The following RELN variants were observed in gnomAD, a reference collection of about 807,000 sequenced individuals.
The protein encoded by RELN is reelin.
Under a neutral mutation model 427.6 loss-of-function variants are expected in RELN, and 108 were observed. The ratio of observed to expected loss-of-function variants is 0.25; its 90% confidence interval spans 0.22 to 0.30. RELN has a LOEUF of 0.30. RELN is among the 10% of genes least tolerant of loss of function. The pLI is 1.00. For synonymous variants in RELN, 1,524 were observed against 1,513.4 expected, an observed-to-expected ratio of 1.01 and a Z score of -0.16; for missense variants, 3,715 against 4,302.8, an observed-to-expected ratio of 0.86 and a Z score of 3.82.
intron 16 of RELN, among the ~76,000 whole-genome samples, chr7:103,641,386 C>A (rs926300412): frequency 2.6e-5 from 4 of 152,162 alleles, no homozygotes; most frequent in African/African-American, 9.7e-5. Flanking sequence ...TTTCCTGTAG[C>A]CTATGCTCCT....
chr7:103,969,545 A>C (rs1216985404), intron 1 of RELN, among the ~76,000 whole-genome samples: 1 of 152,240 alleles, frequency 6.6e-6, no homozygotes, highest in African/African-American at 2.4e-5. Flanking sequence ...TTTTCTATTA[A>C]TAAATGATAC....
chr7:103,614,048 G>A (rs181443136), intron 20 of RELN, among the ~76,000 whole-genome samples: 11 of 152,300 alleles, frequency 7.2e-5, no homozygotes, highest in Admixed American at 5.9e-4. Context: ...GCTGAGGAGA[G>A]TCATGTGCTC....
intron 2 of RELN, among the ~76,000 whole-genome samples, chr7:103,846,843 C>G (rs1016759034): frequency 3.3e-5 from 5 of 151,850 alleles, no homozygotes; most frequent in African/African-American, 4.8e-5. Flanking sequence ...CTGGTCATTA[C>G]AGAAATGCAA....
intron 1 of RELN, among the ~76,000 whole-genome samples, chr7:103,922,962 C>G (rs1433211769): frequency 6.6e-6 from 1 of 151,364 alleles, no homozygotes; most frequent in Non-Finnish European, 1.5e-5. Context: ...CAGAGGATAG[C>G]AAATTGCAAA....
chr7:103,512,560 G>A (rs547961923), intron 50 of RELN, among the ~76,000 whole-genome samples: 2 of 152,280 alleles, frequency 1.3e-5, no homozygotes, highest in South Asian at 4.1e-4. Context: ...AACCTAAGTA[G>A]TAAGACTATG....
At chr7:103,906,000 G>A (rs1170028347) in intron 2 of RELN, among the ~76,000 whole-genome samples, 4 of 152,120 alleles carry the variant, frequency 2.6e-5, no homozygotes, top group African/African-American at 9.7e-5. Flanking sequence ...ACACAAACAA[G>A]GGCAGTAGAC....
chr7:103,493,137 CAGAT>C (rs1224933690), intron 57 of RELN, among the ~76,000 whole-genome samples: 3 of 151,980 alleles, frequency 2.0e-5, no homozygotes, highest in Admixed American at 1.3e-4. Context: ...ATGTCAAAGA[CAGAT>C]AGGAGTGGAG....
chr7:103,581,655 T>G (rs1831152407), intron 28 of RELN, among the ~76,000 whole-genome samples: 1 of 152,216 alleles, frequency 6.6e-6, no homozygotes, highest in African/African-American at 2.4e-5. Flanking sequence ...GCAACTTTAA[T>G]GCACTTCTTA....
chr7:103,606,774 A>G (rs2117279677), intron 22 of RELN, among the ~76,000 whole-genome samples: 1 of 152,226 alleles, frequency 6.6e-6, no homozygotes, highest in South Asian at 2.1e-4. Context: ...CCTTATATGC[A>G]TCTTATGAAC....
intron 2 of RELN, among the ~76,000 whole-genome samples, chr7:103,890,849 G>A (rs547323478): frequency 1.8e-4 from 27 of 152,226 alleles, no homozygotes; most frequent in African/African-American, 5.8e-4. Context: ...AGGCTGAGGC[G>A]GGCAGATAAT....
intron 27 of RELN, among the ~76,000 whole-genome samples, chr7:103,592,527 CTTCT>C (rs778333499): frequency 1.6e-4 from 25 of 152,054 alleles, no homozygotes; most frequent in Non-Finnish European, 3.7e-4. Flanking sequence ...ATGATTTATA[CTTCT>C]TTGAGTATAT....
At chr7:103,820,825 A>G (rs1792995213) in intron 3 of RELN, among the ~76,000 whole-genome samples, 1 of 151,996 alleles carries the variant, frequency 6.6e-6, no homozygotes, top group Non-Finnish European at 1.5e-5. Flanking sequence ...TTCACTTTCT[A>G]ATAATATTAT....
At chr7:103,972,003 G>A (rs574368563) in intron 1 of RELN, among the ~76,000 whole-genome samples, 3 of 152,272 alleles carry the variant, frequency 2.0e-5, no homozygotes, top group African/African-American at 4.8e-5. Context: ...AACTCATGAG[G>A]TGGAGGTTGC....
intron 3 of RELN, among the ~76,000 whole-genome samples, chr7:103,830,023 C>T (rs1325598183): frequency 8.5e-6 from 1 of 118,082 alleles, no homozygotes; most frequent in Non-Finnish European, 2.0e-5. Flanking sequence ...TGGGTTTCTT[C>T]CAATATAATG....
chr7:103,848,697 T>G (rs1793741559), intron 2 of RELN, among the ~76,000 whole-genome samples: 1 of 152,192 alleles, frequency 6.6e-6, no homozygotes, highest in African/African-American at 2.4e-5. Context: ...AATTGTATTT[T>G]GGGAAGACTA....
At chr7:103,773,508 T>C (rs60403171) in intron 4 of RELN, among the ~76,000 whole-genome samples, 27,908 of 149,160 alleles carry the variant, frequency 0.19, 2,752 homozygotes, top group East Asian at 0.3. Flanking sequence ...GTCTCACTGT[T>C]GCTCAGGCTG....
chr7:103,498,557 T>G (rs956492207), intron 53 of RELN, among the ~76,000 whole-genome samples: 1 of 152,130 alleles, frequency 6.6e-6, no homozygotes, highest in African/African-American at 2.4e-5. Context: ...AGTGGCACAA[T>G]CTCAACTAAC....
chr7:103,916,448 G>T (rs1795483849), intron 2 of RELN, among the ~76,000 whole-genome samples: 1 of 152,126 alleles, frequency 6.6e-6, no homozygotes, highest in Middle Eastern at 3.4e-3. Context: ...TCCCAGCCTG[G>T]CATGTTTAAC....
At position 103,641,701 on chromosome 7, in the gene RELN, G is replaced by C. The variant is rs920978804; in HGVS notation, c.2003-1092C>G. Among the ~76,000 whole-genome samples, 7 of 152,268 alleles carry C rather than the reference G, an allele frequency of 4.6e-5. No homozygotes were observed. The South Asian group carries it at 1.2e-3, about 27-fold the overall frequency. Reference sequence around the variant, plus strand: ...CATATTATGCTTAGCATGGTACCCAGCACTACATGGTTATAATCAGCACCA... The same window carrying C: ...CATATTATGCTTAGCATGGTACCCACCACTACATGGTTATAATCAGCACCA... On this transcript the variant is annotated intron_variant, in intron 16 of 64. Coordinates refer to ENST00000428762, the MANE Select transcript of RELN (RefSeq NM_005045.4).
Sources: allele counts gnomAD v4.1 joint callset (sites outside exome capture counted in the v4.1 genomes callset), GRCh38; gene constraint gnomAD v4.1.1; transcripts MANE v1.5; gene names NCBI Gene and HGNC (gene_info 2026-07-23, HGNC 2026-07-21).